Variants in GIGYF2 observed in about 807,000 individuals in gnomAD.
GIGYF2 encodes GRB10-interacting GYF protein 2.
A neutral mutation model predicts 208.1 loss-of-function variants in GIGYF2; 25 were observed. The ratio of observed to expected loss-of-function variants is 0.12; its 90% CI spans 0.09 to 0.17. GIGYF2 has a LOEUF of 0.17. Ranked by LOEUF, GIGYF2 falls within the 10% of genes least tolerant of loss-of-function variation. The pLI is 1.00. For synonymous variants in GIGYF2, 534 were observed against 543.8 expected, an observed-to-expected ratio of 0.98 and a Z score of 0.25; for missense variants, 1,302 against 1,579.4, an observed-to-expected ratio of 0.82 and a Z score of 2.98.
intron 1 of GIGYF2, among the ~76,000 whole-genome samples, chr2:232,698,564 C>G (rs1418460739): frequency 1.3e-5 from 2 of 152,068 alleles, no homozygotes; most frequent in Non-Finnish European, 2.9e-5. Flanking sequence ...CTTATTTTGT[C>G]CATTTTGCCT....
chr2:232,818,564 A>G (rs115779681), intron 20 of GIGYF2, among the ~76,000 whole-genome samples: 70 of 152,254 alleles, frequency 4.6e-4, no homozygotes, highest in East Asian at 3.1e-3. Context: ...TGTGGCATCT[A>G]TGTCAAAAAT....
chr2:232,807,364 C>T (rs1420522760), intron 15 of GIGYF2, among the ~76,000 whole-genome samples: 1 of 152,016 alleles, frequency 6.6e-6, no homozygotes, highest in African/African-American at 2.4e-5. Flanking sequence ...CCTGTCTCTA[C>T]AAATAGTAAT....
intron 14 of GIGYF2, among the ~76,000 whole-genome samples, chr2:232,800,589 C>CTT (rs756914156): frequency 0.019 from 1,184 of 61,238 alleles, 32 homozygotes; most frequent in Admixed American, 0.1. Context: ...TTCTTTTTTT[C>CTT]TTTTTTTTTT....
intron 7 of GIGYF2, among the ~76,000 whole-genome samples, chr2:232,761,192 G>A (rs535188321): frequency 6.6e-6 from 1 of 152,248 alleles, no homozygotes; most frequent in African/African-American, 2.4e-5. Flanking sequence ...AATAGAAACA[G>A]CTTTTGGTAG....
At chr2:232,726,234 T>G (rs949535289) in intron 2 of GIGYF2, among the ~76,000 whole-genome samples, 1 of 152,058 alleles carries the variant, frequency 6.6e-6, no homozygotes, top group Non-Finnish European at 1.5e-5. Context: ...CTGGGTGTGG[T>G]GTTCGGCGCC....
intron 14 of GIGYF2, among the ~76,000 whole-genome samples, chr2:232,796,582 C>G (rs1700229466): frequency 6.6e-6 from 1 of 152,128 alleles, no homozygotes; most frequent in Admixed American, 6.6e-5. Flanking sequence ...TCGAATACAG[C>G]CTGGCGTGGC....
At chr2:232,697,829 G>A (rs115387410) in intron 1 of GIGYF2, among the ~76,000 whole-genome samples, 3,160 of 152,344 alleles carry the variant, frequency 0.021, 66 homozygotes, top group Middle Eastern at 0.061. Context: ...CCCGGTAACA[G>A]CTGCTGCGGC....
chr2:232,844,844 T>C (rs1701945735), intron 25 of GIGYF2, among the ~76,000 whole-genome samples: 1 of 152,148 alleles, frequency 6.6e-6, no homozygotes. Flanking sequence ...TAGTATAATG[T>C]TTTTGTTGTG....
At chr2:232,812,874 G>T (rs1045757844) in intron 18 of GIGYF2, among the ~76,000 whole-genome samples, 2 of 152,118 alleles carry the variant, frequency 1.3e-5, no homozygotes, top group Admixed American at 1.3e-4. Flanking sequence ...GGTGGTGTGT[G>T]CCTGTAGTGC....
chr2:232,718,606 G>A (rs1026733998), intron 2 of GIGYF2, among the ~76,000 whole-genome samples: 2 of 152,160 alleles, frequency 1.3e-5, no homozygotes, highest in Admixed American at 6.5e-5. Context: ...TTTGTTATGG[G>A]ATCACAGGGT....
intron 8 of GIGYF2, chr2:232,767,976 A>G (rs2106334092): frequency 5.3e-6 from 3 of 563,952 alleles, no homozygotes; most frequent in East Asian, 6.1e-5. Context: ...GTTGAGTTAC[A>G]TTGATTTCAG....
chr2:232,760,728 T>A, intron 7 of GIGYF2, 137 bp downstream of exon 7: 1 of 644,016 alleles, frequency 1.6e-6, no homozygotes, highest in Admixed American at 2.5e-5. Flanking sequence ...GAACATCAAG[T>A]TGTACATTAG....
intron 8 of GIGYF2, among the ~76,000 whole-genome samples, chr2:232,762,526 C>T (rs1698788284): frequency 6.6e-6 from 1 of 152,098 alleles, no homozygotes; most frequent in Admixed American, 6.6e-5. Context: ...GCTGGAATTA[C>T]AGGCATGAGC....
chr2:232,849,658 A>G (rs894664479), intron 27 of GIGYF2, among the ~76,000 whole-genome samples: 6 of 152,086 alleles, frequency 3.9e-5, no homozygotes, highest in African/African-American at 1.4e-4. Flanking sequence ...CTCCCCCACT[A>G]CTACCACCTG....
intron 8 of GIGYF2, among the ~76,000 whole-genome samples, chr2:232,784,398 T>TTTTG (rs1294514165): frequency 7.2e-6 from 1 of 138,044 alleles, no homozygotes; most frequent in African/African-American, 2.6e-5. Flanking sequence ...TTTTTTTTTT[T>TTTTG]TTTTTTTTTG....
At chr2:232,784,662 C>T (rs953976181) in intron 8 of GIGYF2, among the ~76,000 whole-genome samples, 15 of 151,986 alleles carry the variant, frequency 9.9e-5, no homozygotes, top group Non-Finnish European at 4.4e-5. Flanking sequence ...CAGGTGTGAG[C>T]CACCGCGCCT....
intron 27 of GIGYF2, among the ~76,000 whole-genome samples, chr2:232,849,083 G>A (rs1034648175): frequency 1.3e-5 from 2 of 152,168 alleles, no homozygotes; most frequent in African/African-American, 4.8e-5. Context: ...GAAGTACAAG[G>A]CATTTAACAT....
At chr2:232,795,374 G>A (rs1345234809) in intron 13 of GIGYF2, among the ~76,000 whole-genome samples, 1 of 152,164 alleles carries the variant, frequency 6.6e-6, no homozygotes, top group African/African-American at 2.4e-5. Context: ...ATTGTTATAT[G>A]TAAAGTAAGT....
chr2:232,808,484 G>A (rs1700626610), intron 15 of GIGYF2, among the ~76,000 whole-genome samples: 2 of 152,098 alleles, frequency 1.3e-5, no homozygotes, highest in Admixed American at 6.5e-5. Flanking sequence ...TAAGAAGAGA[G>A]CCCCACTTCA....
Sources: allele counts gnomAD v4.1 joint callset (sites outside exome capture counted in the v4.1 genomes callset), GRCh38; gene constraint gnomAD v4.1.1; transcripts MANE v1.5; gene names NCBI Gene and HGNC (gene_info 2026-07-23, HGNC 2026-07-21).